Variants in LEP observed in about 807,000 individuals in gnomAD.
LEP encodes leptin (murine obesity homolog).
In LEP, 6 loss-of-function variants were observed where a neutral mutation model predicts 9.8. The ratio of observed to expected loss-of-function variants is 0.61; its 90% confidence interval spans 0.34 to 1.21. The LOEUF (loss-of-function observed/expected upper bound fraction) is 1.21, where lower values mean the gene tolerates loss of function less well. Ranked by LOEUF, LEP falls within the 50% of genes most tolerant of loss-of-function variation. The pLI is 0.04. For synonymous variants in LEP, 112 were observed against 81.7 expected (o/e 1.37, Z -2.00); for missense variants, 134 against 198.1 (o/e 0.68, Z 1.94).
At chr7:128,251,092 T>C (rs570962832) in intron 1 of LEP, among the ~76,000 whole-genome samples, 21 of 152,302 alleles carry the variant, frequency 1.4e-4, no homozygotes, top group African/African-American at 4.8e-4. Flanking sequence ...CTTTCTACTC[T>C]TAGTAGCCCA....
chr7:128,252,193 C>A, intron 2 of LEP, 31 bp downstream of exon 2: 1 of 1,612,974 alleles, frequency 6.2e-7, no homozygotes, highest in South Asian at 1.1e-5. Context: ...CAAAGTAGAA[C>A]TGCAGCCAGC....
chr7:128,248,396 C>T (rs902339536), intron 1 of LEP, among the ~76,000 whole-genome samples: 5 of 151,842 alleles, frequency 3.3e-5, no homozygotes, highest in African/African-American at 7.3e-5. Flanking sequence ...TGCACCATTG[C>T]ACTCCAGCCT....
Position 128,254,824 on chromosome 7 carries a change from G to A in LEP, c.*61G>A. 1 of 1,576,932 alleles carries A rather than the reference G, an allele frequency of 6.3e-7. No individual in the cohort carries two copies. Among genetic ancestry groups the A allele is most frequent in the Non-Finnish European group, 8.6e-7 (1 of 1,162,664 alleles). The stretch of plus-strand genomic sequence containing the variant: ...TAAGGGAAGGAACTCTGGCTTCCAG[G>A]TATCTCCAGGATTGAAGAGCATTGC... On this transcript the variant is annotated 3_prime_UTR_variant, in exon 3 of 3. Coordinates refer to ENST00000308868, the MANE Select transcript of LEP (RefSeq NM_000230.3).
At position 128,251,843 on chromosome 7, in the gene LEP, T is replaced by C. The variant is rs1482023194; in HGVS notation, c.-28-148T>C. On this transcript the variant is annotated intron_variant, in intron 1 of 2. Coordinates refer to ENST00000308868, the MANE Select transcript of LEP (RefSeq NM_000230.3). ...ATTTCATTAATACATATGTAGATCA[T>C]GAATTGTCTTTGACTTTGAGGGGAT... The C allele has an allele frequency of 2.9e-5, 20 of 685,916 alleles. No individual in the cohort carries two copies. The East Asian group carries it at 4.7e-4, about 16-fold the overall frequency. The allele number at this position is 685,916 out of a possible 1,614,324, so 42.5% of individuals were successfully genotyped here. A position where few individuals can be genotyped will look rare whatever the true frequency, so the allele number is the denominator to read the frequency against.
chr7:128,256,616 G>T lies in LEP; in HGVS notation c.*1853G>T, dbSNP rs1015351299. 2 of 152,256 alleles carry T rather than the reference G, an allele frequency of 1.3e-5. No individual in the cohort carries two copies. The highest frequency in any genetic ancestry group is 4.8e-5 in the African/African-American group (2 of 41,456). The allele number at this position is 152,256 out of a possible 1,614,324, so 9.4% of individuals were successfully genotyped here. On this transcript the variant is annotated 3_prime_UTR_variant, in exon 3 of 3. Transcript: ENST00000308868. ...GAGCTGAGGGGGGCCGTGCCCAGGG[G>T]CCCACAGGGAACCCTGCTTGCACTT...
chr7:128,257,261 T>C lies in LEP; in HGVS notation c.*2498T>C, dbSNP rs1364065449. On this transcript the variant is annotated 3_prime_UTR_variant, in exon 3 of 3. Coordinates refer to ENST00000308868, the MANE Select transcript of LEP (RefSeq NM_000230.3). ...CTAAGTATAAATGGTTGTCTGTTTT[T>C]GTAACTTAAAAAAAAAAAAAAAAGT... 6.6e-6 allele frequency: 1 copy of C among 151,482 alleles called. No homozygotes were observed. Among genetic ancestry groups the C allele is most frequent in the Admixed American group, 6.6e-5 (1 of 15,206 alleles). The allele number at this position is 151,482 out of a possible 1,614,324, so 9.4% of individuals were successfully genotyped here. A position where few individuals can be genotyped will look rare whatever the true frequency, so the allele number is the denominator to read the frequency against.
At chr7:128,245,957 G>C (rs1049334324) in intron 1 of LEP, among the ~76,000 whole-genome samples, 7 of 152,088 alleles carry the variant, frequency 4.6e-5, no homozygotes, top group African/African-American at 1.7e-4. Flanking sequence ...AGCTACCCGG[G>C]AGGCTGAGGA....
chr7:128,247,613 T>G (rs147117504), intron 1 of LEP, among the ~76,000 whole-genome samples: 1 of 152,240 alleles, frequency 6.6e-6, no homozygotes, highest in East Asian at 1.9e-4. Flanking sequence ...CTCCTCCACC[T>G]TCACAAACTC....
At chr7:128,241,904 C>A (rs1469788506) in intron 1 of LEP, among the ~76,000 whole-genome samples, 1 of 152,164 alleles carries the variant, frequency 6.6e-6, no homozygotes, top group East Asian at 1.9e-4. Flanking sequence ...CAGGGTCTTA[C>A]CAGATCTGTC....
chr7:128,251,800 C>T (rs918835389), intron 1 of LEP, among the ~76,000 whole-genome samples, 191 bp from the exon 2 acceptor site: 7 of 152,166 alleles, frequency 4.6e-5, no homozygotes, highest in Non-Finnish European at 8.8e-5. Context: ...GACAATAATC[C>T]TCTTTCTAAG....
intron 1 of LEP, among the ~76,000 whole-genome samples, chr7:128,246,962 G>A (rs58562692): frequency 4.6e-5 from 7 of 152,218 alleles, no homozygotes; most frequent in Non-Finnish European, 7.4e-5. Flanking sequence ...TGCAGGCTGC[G>A]TCCCAAATGA....
intron 1 of LEP, among the ~76,000 whole-genome samples, chr7:128,245,161 C>A (rs1795197053): frequency 6.6e-6 from 1 of 152,134 alleles, no homozygotes; most frequent in African/African-American, 2.4e-5. Context: ...TCACACACTC[C>A]ACCCCTCTAC....
At chr7:128,245,558 G>A (rs1317102338) in intron 1 of LEP, among the ~76,000 whole-genome samples, 1 of 152,230 alleles carries the variant, frequency 6.6e-6, no homozygotes, top group Non-Finnish European at 1.5e-5. Flanking sequence ...TGGGAGGGAA[G>A]AACAGGAGGG....
rs540145077 is a variant in LEP, at chr7:128,252,660, G to A, written c.144+498G>A. ...ATGGAAGGATCACCTGAGCCTGGGAGGTTGAGGCTGCAGTGGGCCCTGATC... is the reference window on the plus strand; with the variant it reads ...ATGGAAGGATCACCTGAGCCTGGGAAGTTGAGGCTGCAGTGGGCCCTGATC... On this transcript the variant is annotated intron_variant, in intron 2 of 2. Transcript: ENST00000308868. Among the ~76,000 whole-genome samples the A allele has an allele frequency of 3.3e-5, 5 of 152,268 alleles. No homozygotes were observed. The South Asian group carries it at 1.0e-3, about 32-fold the overall frequency.
At chr7:128,251,681 C>G (rs1795276207) in intron 1 of LEP, among the ~76,000 whole-genome samples, 1 of 152,118 alleles carries the variant, frequency 6.6e-6, no homozygotes, top group Admixed American at 6.5e-5. Context: ...GTTATCTTTC[C>G]CTCGAGCATG....
intron 1 of LEP, among the ~76,000 whole-genome samples, chr7:128,249,948 G>A (rs1450903055): frequency 6.6e-6 from 1 of 152,222 alleles, no homozygotes; most frequent in African/African-American, 2.4e-5. Context: ...CATATTATCA[G>A]TGGTGATAGA....
chr7:128,252,665 A>G (rs986008495), intron 2 of LEP, among the ~76,000 whole-genome samples: 2 of 152,130 alleles, frequency 1.3e-5, no homozygotes, highest in Middle Eastern at 3.2e-3. Context: ...TGGGAGGTTG[A>G]GGCTGCAGTG....
At chr7:128,248,059 G>A (rs1048027672) in intron 1 of LEP, among the ~76,000 whole-genome samples, 4 of 152,206 alleles carry the variant, frequency 2.6e-5, no homozygotes, top group Non-Finnish European at 5.9e-5. Flanking sequence ...TTGGGAGGCC[G>A]AGGTGGGCAG....
chr7:128,250,273 T>C (rs28954097), intron 1 of LEP, among the ~76,000 whole-genome samples: 166 of 152,296 alleles, frequency 1.1e-3, no homozygotes, highest in African/African-American at 3.9e-3. Flanking sequence ...ATAGAGGAAG[T>C]TTTACTTTTT....
Sources: gnomAD v4.1 joint callset for allele counts (sites outside exome capture counted in the v4.1 genomes callset) on GRCh38, gnomAD v4.1.1 for gene constraint, MANE v1.5 for transcripts, NCBI Gene and HGNC (gene_info 2026-07-23, HGNC 2026-07-21) for gene names.